Variants in DGKB observed in about 807,000 individuals in gnomAD.
DGKB encodes diacylglycerol kinase beta.
A neutral mutation model predicts 114.3 loss-of-function variants in DGKB; 67 were observed. That is an observed-to-expected ratio of 0.59 (90% CI 0.48 to 0.72). DGKB has a LOEUF of 0.72. Ranked by LOEUF, DGKB falls within the 30% of genes least tolerant of loss-of-function variation. The probability of loss-of-function intolerance (pLI) is 0.00; values close to 1 mark genes in which losing one functional copy is unlikely to be tolerated. For missense variants in DGKB, 907 were observed against 975.2 expected (o/e 0.93, Z 0.93); for synonymous variants, 398 against 323.1 (o/e 1.23, Z -2.49).
intron 20 of DGKB, among the ~76,000 whole-genome samples, chr7:14,562,466 G>T (rs1418655389): frequency 6.6e-6 from 1 of 152,168 alleles, no homozygotes; most frequent in African/African-American, 2.4e-5. Flanking sequence ...CACTGGAAAA[G>T]TTGCAGACAC....
chr7:14,846,658 C>G (rs947149741), intron 1 of DGKB, among the ~76,000 whole-genome samples: 1 of 152,202 alleles, frequency 6.6e-6, no homozygotes, highest in Non-Finnish European at 1.5e-5. Flanking sequence ...AAATGAGTGT[C>G]AGGAGGGATC....
chr7:14,165,481 C>A (rs1323582302), intron 25 of DGKB, among the ~76,000 whole-genome samples: 2 of 152,116 alleles, frequency 1.3e-5, no homozygotes, highest in Non-Finnish European at 2.9e-5. Context: ...CCTATTCCTG[C>A]TATAAATCCT....
chr7:14,621,522 T>A, intron 14 of DGKB, 28 bp from the exon 15 acceptor site: 1 of 1,328,356 alleles, frequency 7.5e-7, no homozygotes, highest in Non-Finnish European at 1.1e-6. Context: ...TTGATAAAAA[T>A]AAAAATTAGG....
chr7:14,857,796 C>G (rs1369861210), intron 1 of DGKB, among the ~76,000 whole-genome samples: 1 of 151,526 alleles, frequency 6.6e-6, no homozygotes, highest in Non-Finnish European at 1.5e-5. Flanking sequence ...CTAGTTGGTG[C>G]CTTTTTTGTT....
At chr7:14,441,712 A>G (rs1406861617) in intron 21 of DGKB, among the ~76,000 whole-genome samples, 1 of 151,986 alleles carries the variant, frequency 6.6e-6, no homozygotes, top group African/African-American at 2.4e-5. Flanking sequence ...AATGGTTCTA[A>G]TTTTCATCAT....
chr7:14,540,258 T>G (rs1375055315), intron 20 of DGKB, among the ~76,000 whole-genome samples: 1 of 152,186 alleles, frequency 6.6e-6, no homozygotes. Context: ...ACTATAAAGA[T>G]GCAATTTTAA....
intron 23 of DGKB, among the ~76,000 whole-genome samples, chr7:14,334,409 T>C (rs1810320914): frequency 6.7e-6 from 1 of 149,490 alleles, no homozygotes; most frequent in South Asian, 2.1e-4. Context: ...CGCGCGTGTA[T>C]GTGGGTATGT....
At chr7:14,762,148 A>C (rs1235141535) in intron 2 of DGKB, among the ~76,000 whole-genome samples, 1 of 152,178 alleles carries the variant, frequency 6.6e-6, no homozygotes, top group East Asian at 1.9e-4. Flanking sequence ...TCACTGTCAG[A>C]ATCAACTTAG....
intron 1 of DGKB, among the ~76,000 whole-genome samples, chr7:14,899,804 G>A (rs926806095): frequency 5.9e-5 from 9 of 151,934 alleles, no homozygotes; most frequent in African/African-American, 1.9e-4. Context: ...ATCCACCCAC[G>A]GCATCCACAA....
intron 21 of DGKB, among the ~76,000 whole-genome samples, chr7:14,418,657 T>G (rs1317322890): frequency 6.6e-6 from 1 of 151,826 alleles, no homozygotes. Context: ...TCTTGGACTA[T>G]GTTGAAAAAT....
intron 23 of DGKB, among the ~76,000 whole-genome samples, chr7:14,198,536 A>G (rs916241680): frequency 2.6e-5 from 4 of 152,200 alleles, no homozygotes; most frequent in Non-Finnish European, 4.4e-5. Context: ...GCTGCATTAT[A>G]GAAGAGAAAC....
intron 21 of DGKB, among the ~76,000 whole-genome samples, chr7:14,403,797 T>C (rs1053447022): frequency 1.3e-5 from 2 of 151,954 alleles, no homozygotes; most frequent in African/African-American, 4.8e-5. Context: ...TTGAAACCAC[T>C]AAACCCTACA....
chr7:14,393,090 C>T (rs1220550703), intron 21 of DGKB, among the ~76,000 whole-genome samples: 1 of 148,770 alleles, frequency 6.7e-6, no homozygotes, highest in African/African-American at 2.5e-5. Flanking sequence ...CTGGGGTTCA[C>T]GCCATTCTCC....
chr7:14,884,064 T>C (rs867044498), intron 1 of DGKB, among the ~76,000 whole-genome samples: 2 of 152,006 alleles, frequency 1.3e-5, no homozygotes, highest in African/African-American at 4.8e-5. Flanking sequence ...ATTAACTTTT[T>C]CTTACAGTAC....
intron 23 of DGKB, among the ~76,000 whole-genome samples, chr7:14,318,368 A>G (rs1207218113): frequency 6.6e-6 from 1 of 152,026 alleles, no homozygotes; most frequent in African/African-American, 2.4e-5. Flanking sequence ...AATGGGAGAA[A>G]ATTTTCGCAA....
chr7:14,186,689 T>TA (rs1453541240), intron 23 of DGKB, among the ~76,000 whole-genome samples: 2 of 152,056 alleles, frequency 1.3e-5, no homozygotes, highest in African/African-American at 4.8e-5. Context: ...TACACAGACA[T>TA]AAAAAAGAAT....
chr7:14,211,467 A>T (rs1348498129), intron 23 of DGKB, among the ~76,000 whole-genome samples: 1 of 44,582 alleles, frequency 2.2e-5, no homozygotes, highest in Non-Finnish European at 4.0e-5. Context: ...ATGTTTTGTG[A>T]TTTTACTCTC....
intron 23 of DGKB, among the ~76,000 whole-genome samples, chr7:14,279,737 C>T (rs1799631985): frequency 6.6e-6 from 1 of 151,314 alleles, no homozygotes; most frequent in Non-Finnish European, 1.5e-5. Context: ...AGGCACCCTC[C>T]AGCAGGGGCA....
At chr7:14,966,621 T>A (rs1041366273) in intron 1 of DGKB, among the ~76,000 whole-genome samples, 5 of 152,212 alleles carry the variant, frequency 3.3e-5, no homozygotes, top group Non-Finnish European at 7.4e-5. Flanking sequence ...GAACATTCAA[T>A]CAAAGTTGTT....
Sources: gnomAD v4.1 joint callset for allele counts (sites outside exome capture counted in the v4.1 genomes callset) on GRCh38, gnomAD v4.1.1 for gene constraint, MANE v1.5 for transcripts, NCBI Gene and HGNC (gene_info 2026-07-23, HGNC 2026-07-21) for gene names.